Variants in IL1RAPL2 observed in about 807,000 individuals in gnomAD.
IL1RAPL2 encodes X-linked interleukin-1 receptor accessory protein-like 2.
In IL1RAPL2, 3 loss-of-function variants were observed where a neutral mutation model predicts 44.1. The observed-to-expected ratio is 0.07, with a 90% CI of 0.03 to 0.18. The LOEUF (loss-of-function observed/expected upper bound fraction) is 0.18, where lower values mean the gene tolerates loss of function less well. IL1RAPL2 is among the 10% of genes least tolerant of loss of function. IL1RAPL2 has a pLI of 1.00. For synonymous variants in IL1RAPL2, 181 were observed against 178.8 expected, an observed-to-expected ratio of 1.01 and a Z score of -0.10; for missense variants, 391 against 496.4, an observed-to-expected ratio of 0.79 and a Z score of 2.02.
At chrX:105,027,767 G>A (rs2031399543) in intron 2 of IL1RAPL2, among the ~76,000 whole-genome samples, 1 of 111,246 alleles carries the variant, frequency 9.0e-6, no homozygotes, top group East Asian at 2.8e-4. Context: ...AGAACAGTTG[G>A]GAAGTTCCTC....
chrX:105,706,291 A>G (rs1230958662), intron 6 of IL1RAPL2, among the ~76,000 whole-genome samples: 1 of 111,989 alleles, frequency 8.9e-6, no homozygotes, highest in African/African-American at 3.2e-5. Context: ...CTATTTGAGA[A>G]ACTGCTAAAG....
At chrX:105,629,760 T>C (rs1231090213) in intron 6 of IL1RAPL2, among the ~76,000 whole-genome samples, 1 of 112,051 alleles carries the variant, frequency 8.9e-6, no homozygotes, top group Non-Finnish European at 1.9e-5. Context: ...TTATTCATGC[T>C]AAAGAAACGG....
chrX:105,063,996 G>A (rs2147533892), intron 2 of IL1RAPL2, among the ~76,000 whole-genome samples: 1 of 111,984 alleles, frequency 8.9e-6, no homozygotes, highest in Admixed American at 9.4e-5. Flanking sequence ...CAGACCTAAA[G>A]CCAGCACAGC....
intron 2 of IL1RAPL2, among the ~76,000 whole-genome samples, chrX:104,778,907 T>C (rs2147601448): frequency 1.8e-5 from 2 of 110,513 alleles, no homozygotes; most frequent in South Asian, 7.7e-4. Context: ...AAATGTCTTC[T>C]CAGGAGAGAA....
chrX:104,576,807 A>T (rs1928252084), intron 1 of IL1RAPL2, among the ~76,000 whole-genome samples: 1 of 111,619 alleles, frequency 9.0e-6, no homozygotes, highest in African/African-American at 3.3e-5. Context: ...CCGTTTTTGG[A>T]TCAATCTAAC....
chrX:105,556,066 T>C (rs1371013068), intron 6 of IL1RAPL2, among the ~76,000 whole-genome samples: 1 of 111,651 alleles, frequency 9.0e-6, no homozygotes, highest in Admixed American at 9.5e-5. Context: ...TATCCTTCTT[T>C]AATCCAGAGG....
At chrX:105,013,538 A>T (rs370204320) in intron 2 of IL1RAPL2, among the ~76,000 whole-genome samples, 2 of 110,385 alleles carry the variant, frequency 1.8e-5, no homozygotes, top group Admixed American at 1.9e-4. Context: ...GAGTAGAAAC[A>T]TCCTAGATTG....
chrX:104,964,316 AT>A (rs1216015351), intron 2 of IL1RAPL2, among the ~76,000 whole-genome samples: 1 of 102,829 alleles, frequency 9.7e-6, no homozygotes, highest in African/African-American at 3.7e-5. Context: ...TTATTTATTT[AT>A]TTTATTTATT....
chrX:105,715,423 A>C (rs2038248836), intron 6 of IL1RAPL2, among the ~76,000 whole-genome samples: 1 of 111,833 alleles, frequency 8.9e-6, no homozygotes, highest in South Asian at 3.7e-4. Flanking sequence ...AATTTCAGGC[A>C]CCTAGTCAAT....
intron 5 of IL1RAPL2, among the ~76,000 whole-genome samples, chrX:105,268,451 C>T (rs1274202547): frequency 1.8e-5 from 2 of 110,909 alleles, no homozygotes; most frequent in South Asian, 3.8e-4. Context: ...ATTTAATGTA[C>T]AGCATGTAGT....
At chrX:105,472,001 G>A (rs768848498) in intron 5 of IL1RAPL2, among the ~76,000 whole-genome samples, 13 of 109,319 alleles carry the variant, frequency 1.2e-4, no homozygotes, top group Admixed American at 4.9e-4. Flanking sequence ...GTACTTGAAT[G>A]TTCTGCAGAG....
intron 5 of IL1RAPL2, among the ~76,000 whole-genome samples, chrX:105,329,199 C>T (rs1238969302): frequency 9.0e-6 from 1 of 111,638 alleles, no homozygotes; most frequent in Non-Finnish European, 1.9e-5. Flanking sequence ...AGGGATGTGC[C>T]CATTTGTTAC....
At chrX:105,053,619 C>A (rs764601543) in intron 2 of IL1RAPL2, among the ~76,000 whole-genome samples, 40 of 111,578 alleles carry the variant, frequency 3.6e-4, no homozygotes, top group Non-Finnish European at 6.8e-4. Flanking sequence ...TACAGTATGT[C>A]CTCACTTAAT....
chrX:105,414,402 AG>A (rs1346001707), intron 5 of IL1RAPL2, among the ~76,000 whole-genome samples: 1 of 112,083 alleles, frequency 8.9e-6, no homozygotes, highest in East Asian at 2.8e-4. Context: ...CTGGGATTAC[AG>A]GCATGAGCCA....
At position 104,977,719 on chromosome X, in the gene IL1RAPL2, T is replaced by G. The variant is rs1188694239; in HGVS notation, c.83-217756T>G. Among the ~76,000 whole-genome samples, 7 of 112,077 alleles carry G rather than the reference T, an allele frequency of 6.2e-5. No homozygotes were observed. In the Admixed American group the frequency reaches 6.6e-4, roughly 11 times the overall value. On this transcript the variant is annotated intron_variant, in intron 2 of 10. Coordinates refer to ENST00000372582, the MANE Select transcript of IL1RAPL2 (RefSeq NM_017416.2). ...GGTGGTGTTAGACAACAACTTTTATTGAAGTGGCAGTTTACAGCGGCAGCA... is the reference window on the plus strand; with the variant it reads ...GGTGGTGTTAGACAACAACTTTTATGGAAGTGGCAGTTTACAGCGGCAGCA...
chrX:104,842,429 T>C (rs1438496908), intron 2 of IL1RAPL2, among the ~76,000 whole-genome samples: 1 of 111,246 alleles, frequency 9.0e-6, no homozygotes, highest in Non-Finnish European at 1.9e-5. Flanking sequence ...TTTTGAGCTC[T>C]TGCTTGAGAG....
At chrX:105,519,862 CCTAT>C (rs1373023029) in intron 6 of IL1RAPL2, among the ~76,000 whole-genome samples, 2 of 111,395 alleles carry the variant, frequency 1.8e-5, no homozygotes, top group East Asian at 2.8e-4. Flanking sequence ...ATTTTCAACA[CCTAT>C]CTGACTACAG....
chrX:104,738,264 T>C (rs978913051), intron 2 of IL1RAPL2, among the ~76,000 whole-genome samples: 1 of 111,956 alleles, frequency 8.9e-6, no homozygotes, highest in African/African-American at 3.2e-5. Context: ...GGACTTCCTT[T>C]GAAATGCTTC....
intron 2 of IL1RAPL2, among the ~76,000 whole-genome samples, chrX:105,142,219 C>A (rs756288256): frequency 8.9e-5 from 10 of 112,187 alleles, no homozygotes; most frequent in Admixed American, 2.8e-4. Flanking sequence ...ATGTGTCCAA[C>A]ACTTTTGCGA....
Sources: allele counts gnomAD v4.1 joint callset (sites outside exome capture counted in the v4.1 genomes callset), GRCh38; gene constraint gnomAD v4.1.1; transcripts MANE v1.5; gene names NCBI Gene and HGNC (gene_info 2026-07-23, HGNC 2026-07-21).